Variants in MRPS28 observed in about 807,000 individuals in gnomAD.
MRPS28 encodes mitochondrial ribosomal protein S28.
MRPS28 carries 7 observed loss-of-function variants against 10.8 expected under a neutral mutation model. The observed-to-expected ratio is 0.65, with a 90% CI of 0.37 to 1.22. MRPS28 has a LOEUF of 1.22. Among genes scored for constraint, MRPS28 ranks in the 50% most tolerant of loss-of-function variants. The pLI, the probability that MRPS28 is intolerant of heterozygous loss-of-function variation, is 0.02. For missense variants in MRPS28, 265 were observed against 232.9 expected, an observed-to-expected ratio of 1.14 and a Z score of -0.90; for synonymous variants, 121 against 93.3, an observed-to-expected ratio of 1.30 and a Z score of -1.71.
chr8:80,013,506 T>C (rs1432177587), intron 1 of MRPS28, among the ~76,000 whole-genome samples: 1 of 151,182 alleles, frequency 6.6e-6, no homozygotes, highest in Non-Finnish European at 1.5e-5. Context: ...AGGTGGTGCA[T>C]GCCTGTAATC....
chr8:79,979,682 C>T (rs1807899243), intron 2 of MRPS28, among the ~76,000 whole-genome samples: 1 of 151,844 alleles, frequency 6.6e-6, no homozygotes, highest in African/African-American at 2.4e-5. Flanking sequence ...AGCCACTGCA[C>T]TCATCCCAGG....
intron 2 of MRPS28, among the ~76,000 whole-genome samples, chr8:79,921,506 A>G (rs1000016614): frequency 3.3e-5 from 5 of 150,162 alleles, no homozygotes; most frequent in African/African-American, 4.9e-5. Flanking sequence ...GGTCCTTCGC[A>G]TCCCTTGTAA....
rs1336209923 is a variant in MRPS28, at chr8:79,918,718, A to G, written c.*262T>C. The G allele has an allele frequency of 2.2e-5, 4 of 179,184 alleles. No homozygotes were observed. Among genetic ancestry groups the G allele is most frequent in the Non-Finnish European group, 4.7e-5 (4 of 86,014 alleles). The allele number at this position is 179,184 out of a possible 1,614,324, so 11.1% of individuals were successfully genotyped here. A position where few individuals can be genotyped will look rare whatever the true frequency, so the allele number is the denominator to read the frequency against. On this transcript the variant is annotated 3_prime_UTR_variant, in exon 3 of 3. Coordinates refer to ENST00000276585, the MANE Select transcript of MRPS28 (RefSeq NM_014018.3). The stretch of plus-strand genomic sequence containing the variant: ...CTGTTTAAACTAGTACCATGCACAT[A>G]GACAGCACTCAAAACGTATTTATTG...
At chr8:79,982,859 G>A (rs1376799896) in intron 2 of MRPS28, among the ~76,000 whole-genome samples, 1 of 152,066 alleles carries the variant, frequency 6.6e-6, no homozygotes, top group Non-Finnish European at 1.5e-5. Flanking sequence ...CAAAAAGACA[G>A]CAGTAACCTC....
At chr8:79,936,568 CAG>C (rs1806609693) in intron 2 of MRPS28, among the ~76,000 whole-genome samples, 1 of 152,012 alleles carries the variant, frequency 6.6e-6, no homozygotes, top group South Asian at 2.1e-4. Context: ...TTATTTAAAA[CAG>C]AAACAATTTA....
chr8:79,968,149 T>C (rs1807546016), intron 2 of MRPS28, among the ~76,000 whole-genome samples: 1 of 152,156 alleles, frequency 6.6e-6, no homozygotes, highest in South Asian at 2.1e-4. Flanking sequence ...TGTCTTATTA[T>C]ATCTCTTTTC....
chr8:79,934,134 AAG>A (rs1326589231), intron 2 of MRPS28, among the ~76,000 whole-genome samples: 2 of 152,188 alleles, frequency 1.3e-5, no homozygotes, highest in African/African-American at 2.4e-5. Flanking sequence ...AAGGAAATAA[AAG>A]AGAATGTTTA....
chr8:79,981,238 G>C (rs1161056357), intron 2 of MRPS28, among the ~76,000 whole-genome samples: 1 of 152,160 alleles, frequency 6.6e-6, no homozygotes, highest in Non-Finnish European at 1.5e-5. Context: ...GCTGAGGTGG[G>C]TGAATCGCTT....
intron 2 of MRPS28, among the ~76,000 whole-genome samples, chr8:79,950,664 T>C (rs571604911): frequency 3.0e-4 from 46 of 152,366 alleles, no homozygotes; most frequent in African/African-American, 1.0e-3. Context: ...GCTAATTTAA[T>C]GAATAAATGT....
chr8:79,939,660 C>G (rs906354993), intron 2 of MRPS28, among the ~76,000 whole-genome samples: 3 of 152,052 alleles, frequency 2.0e-5, no homozygotes, highest in Non-Finnish European at 2.9e-5. Flanking sequence ...AGCTGAGAAG[C>G]CAAATAATCT....
chr8:79,989,889 C>T (rs916616138), intron 2 of MRPS28, among the ~76,000 whole-genome samples: 2 of 152,182 alleles, frequency 1.3e-5, no homozygotes, highest in Non-Finnish European at 2.9e-5. Context: ...CACAGTGGCT[C>T]ACACCTGTAA....
Position 79,918,723 on chromosome 8 carries a change from G to T in MRPS28, c.*257C>A. 1 of 185,088 alleles carries T rather than the reference G, an allele frequency of 5.4e-6. No individual in the cohort carries two copies. Among genetic ancestry groups the T allele is most frequent in the Non-Finnish European group, 1.1e-5 (1 of 90,542 alleles). The allele number at this position is 185,088 out of a possible 1,614,324, so 11.5% of individuals were successfully genotyped here. A position where few individuals can be genotyped will look rare whatever the true frequency, so the allele number is the denominator to read the frequency against. On this transcript the variant is annotated 3_prime_UTR_variant, in exon 3 of 3. Transcript: ENST00000276585. Reference sequence around the variant, plus strand: ...TAAACTAGTACCATGCACATAGACAGCACTCAAAACGTATTTATTGAATGA... The same window carrying T: ...TAAACTAGTACCATGCACATAGACATCACTCAAAACGTATTTATTGAATGA...
chr8:79,998,725 A>G (rs1468800776), intron 2 of MRPS28, among the ~76,000 whole-genome samples: 1 of 152,216 alleles, frequency 6.6e-6, no homozygotes, highest in African/African-American at 2.4e-5. Context: ...GCAAAACTCT[A>G]GGGCGTTTTG....
rs138463667 is a variant in MRPS28, at chr8:79,922,054, G to T, written c.396-2906C>A. Among the ~76,000 whole-genome samples the T allele has an allele frequency of 1.9e-4, 29 of 152,128 alleles. No homozygotes were observed. The East Asian group carries it at 5.4e-3, about 28-fold the overall frequency. ...TATTGAGATAATCGTGGTTTTTGTC[G>T]TTGGTTCTGTTTATATGCTGGATTA... is the stretch of plus-strand genomic sequence containing the variant. On this transcript the variant is annotated intron_variant, in intron 2 of 2. Transcript: ENST00000276585.
chr8:79,950,779 G>C (rs1411261122), intron 2 of MRPS28, among the ~76,000 whole-genome samples: 1 of 152,210 alleles, frequency 6.6e-6, no homozygotes, highest in African/African-American at 2.4e-5. Context: ...AATATCAAAT[G>C]AATAAATTTC....
chr8:79,995,582 A>G (rs1430791076), intron 2 of MRPS28, among the ~76,000 whole-genome samples: 1 of 152,186 alleles, frequency 6.6e-6, no homozygotes, highest in African/African-American at 2.4e-5. Context: ...ATATGTGACA[A>G]TCCCTATCAA....
At chr8:80,019,306 C>G (rs1056957549) in intron 1 of MRPS28, among the ~76,000 whole-genome samples, 1 of 142,130 alleles carries the variant, frequency 7.0e-6, no homozygotes, top group Non-Finnish European at 1.5e-5. Context: ...CTCGTGTGCC[C>G]CCTAAGCATA....
At chr8:80,024,651 T>C (rs1260834507) in intron 1 of MRPS28, among the ~76,000 whole-genome samples, 1 of 152,342 alleles carries the variant, frequency 6.6e-6, no homozygotes, top group East Asian at 1.9e-4. Flanking sequence ...TAATAGGCCA[T>C]CTGAGATGCT....
chr8:79,955,118 G>C (rs1244009157), intron 2 of MRPS28, among the ~76,000 whole-genome samples: 3 of 152,182 alleles, frequency 2.0e-5, no homozygotes, highest in African/African-American at 7.2e-5. Context: ...ACTGCTTTAA[G>C]TTATTCTGAG....
Sources: gnomAD v4.1 joint callset for allele counts (sites outside exome capture counted in the v4.1 genomes callset) on GRCh38, gnomAD v4.1.1 for gene constraint, MANE v1.5 for transcripts, NCBI Gene and HGNC (gene_info 2026-07-23, HGNC 2026-07-21) for gene names.